GSTA1: variants seen among roughly 807,000 people sequenced by gnomAD.
GSTA1 encodes the protein glutathione S-transferase A1.
Under a neutral mutation model 21.5 loss-of-function variants are expected in GSTA1, and 23 were observed. The ratio of observed to expected loss-of-function variants is 1.07; its 90% CI spans 0.77 to 1.52. GSTA1 has a LOEUF of 1.52. Among genes scored for constraint, GSTA1 ranks in the 40% most tolerant of loss-of-function variants. The pLI is 0.00. For missense variants in GSTA1, 301 were observed against 264.2 expected (o/e 1.14, Z -0.96); for synonymous variants, 125 against 90.0 (o/e 1.39, Z -2.20).
At position 52,799,307 on chromosome 6, in the gene GSTA1, T is replaced by A. The variant is rs758698803; in HGVS notation, c.-30-10A>T. On this transcript the variant is annotated splice_polypyrimidine_tract_variant and intron_variant, in intron 1 of 6. Coordinates refer to ENST00000334575, the MANE Select transcript of GSTA1 (RefSeq NM_145740.5). Reference sequence around the variant, plus strand: ...GGAGGTTTCTCTAAGCCTGAATGAATGAATGAATGAATGAATAATTGAAAC... The same window carrying A: ...GGAGGTTTCTCTAAGCCTGAATGAAAGAATGAATGAATGAATAATTGAAAC... The A allele has an allele frequency of 2.2e-5, 32 of 1,457,184 alleles. No homozygotes were observed. The highest frequency in any genetic ancestry group is 2.8e-5 in the Non-Finnish European group (29 of 1,053,710). The allele number at this position is 1,457,184 out of a possible 1,614,324, so 90.3% of individuals were successfully genotyped here.
At chr6:52,796,429 T>G (rs1180205883) in intron 3 of GSTA1, 115 bp from the exon 4 acceptor site, 2 of 1,348,170 alleles carry the variant, frequency 1.5e-6, no homozygotes, top group Non-Finnish European at 2.0e-6. Context: ...AATTACTGCC[T>G]GGTAAGATTT....
At chr6:52,802,553 T>C (rs1045162463) in intron 1 of GSTA1, among the ~76,000 whole-genome samples, 11 of 152,220 alleles carry the variant, frequency 7.2e-5, no homozygotes, top group African/African-American at 2.7e-4. Flanking sequence ...TCTCTGGACA[T>C]ATTGAGTAGC....
At chr6:52,796,828 C>T (rs565860119) in intron 3 of GSTA1, among the ~76,000 whole-genome samples, 42 of 152,084 alleles carry the variant, frequency 2.8e-4, no homozygotes, top group African/African-American at 9.4e-4. Flanking sequence ...GCATGAGCCA[C>T]TGCACCCAGT....
intron 3 of GSTA1, among the ~76,000 whole-genome samples, chr6:52,797,149 T>TGC (rs1763610740): frequency 6.6e-6 from 1 of 152,154 alleles, no homozygotes; most frequent in South Asian, 2.1e-4. Flanking sequence ...CTTCAAAGTC[T>TGC]GCGATATTGC....
intron 1 of GSTA1, among the ~76,000 whole-genome samples, chr6:52,801,129 C>A (rs1390320073): frequency 6.6e-6 from 1 of 152,186 alleles, no homozygotes. Context: ...GATCCACTCG[C>A]CTCAGCCTCC....
At chr6:52,792,602 A>G (rs1346481436) in intron 6 of GSTA1, 21 of 735,768 alleles carry the variant, frequency 2.9e-5, no homozygotes, top group Non-Finnish European at 3.8e-5. Flanking sequence ...ATGGGGAGAG[A>G]TGCTGGGCCC....
Position 52,796,166 on chromosome 6 carries a change from A to T in GSTA1, c.272+16T>A, listed in dbSNP as rs1763575024. 16 of 1,612,622 alleles carry T rather than the reference A, an allele frequency of 9.9e-6. No homozygotes were observed. Among genetic ancestry groups the T allele is most frequent in the Non-Finnish European group, 1.3e-5 (15 of 1,179,668 alleles). ...CTGTGTTCTCTGTGGATGGAAGAAC[A>T]GAAAATATACCGTACAGGGCTCTCT... On this transcript the variant is annotated intron_variant, in intron 4 of 6. Coordinates refer to ENST00000334575, the MANE Select transcript of GSTA1 (RefSeq NM_145740.5).
At chr6:52,798,327 T>C (rs552577296) in intron 2 of GSTA1, among the ~76,000 whole-genome samples, 149 of 138,110 alleles carry the variant, frequency 1.1e-3, no homozygotes, top group Admixed American at 1.6e-3. Context: ...CTCCCCTCAT[T>C]TTAACCACGT....
rs1249741554 is a variant in GSTA1, at chr6:52,796,222, T to C, written c.232A>G (p.Lys78Glu). ...ATGTCTTTCCCATAGAGGTTGTATT[T>C]GCTGGCAATGTAGTTGAGAATGGCT... The part of the protein sequence containing the change: ...TRAILNYIAS[K>E]YNLYGKDIKE... Residue 78 changes from lysine to glutamate, a missense_variant, in exon 4 of 7, where the codon AAA becomes GAA. By Grantham distance (56) the Lys-to-Glu change is moderately conservative. Coordinates refer to ENST00000334575, the MANE Select transcript of GSTA1 (RefSeq NM_145740.5). The C allele has an allele frequency of 5.0e-6, 8 of 1,613,772 alleles. No homozygotes were observed. Among genetic ancestry groups the C allele is most frequent in the Non-Finnish European group, 6.8e-6 (8 of 1,179,960 alleles).
rs748009323 is a variant in GSTA1 at position 52,797,698 on chromosome 6, G to C, written c.88-61C>G. 480 of 1,380,474 alleles carry C rather than the reference G, an allele frequency of 3.5e-4. 2 individuals carry two copies. Among genetic ancestry groups the C allele is most frequent in the Non-Finnish European group, 4.6e-4 (443 of 970,780 alleles). The allele number at this position is 1,380,474 out of a possible 1,614,324, so 85.5% of individuals were successfully genotyped here. On this transcript the variant is annotated intron_variant, in intron 2 of 6. Transcript: ENST00000334575. ...TCATTCTATTATAGACTGTGGCCTT[G>C]AATGGCCCCATCTGGTGCATCATTT... is the stretch of plus-strand genomic sequence containing the variant.
Position 52,791,711 on chromosome 6 carries a change from T to A in GSTA1, c.*147A>T, listed in dbSNP as rs1458687832. ...AATCAATTTTAACTAAGTCAGCGAA[T>A]AGGAGTTGTATTATTTAATTAGCAT... On this transcript the variant is annotated 3_prime_UTR_variant, in exon 7 of 7. Transcript: ENST00000334575. The A allele has an allele frequency of 2.3e-6, 2 of 878,948 alleles. No homozygotes were observed. The highest frequency in any genetic ancestry group is 1.7e-5 in the African/African-American group (1 of 58,994). The allele number at this position is 878,948 out of a possible 1,614,324, so 54.4% of individuals were successfully genotyped here. A position where few individuals can be genotyped will look rare whatever the true frequency, so the allele number is the denominator to read the frequency against.
intron 3 of GSTA1, among the ~76,000 whole-genome samples, chr6:52,796,541 A>ATTTTTTT (rs1198221761): frequency 2.9e-5 from 1 of 34,286 alleles, no homozygotes; most frequent in Admixed American, 3.9e-4. Context: ...ATATATATAT[A>ATTTTTTT]TATTTTTTTT....
chr6:52,797,716 C>A, intron 2 of GSTA1, 79 bp from the exon 3 acceptor site: 1 of 1,213,164 alleles, frequency 8.2e-7, no homozygotes, highest in Non-Finnish European at 1.2e-6. Flanking sequence ...CCATCTGGTG[C>A]ATCATTTGGA....
At chr6:52,795,594 G>A (rs772730282) in intron 4 of GSTA1, among the ~76,000 whole-genome samples, 23 of 152,126 alleles carry the variant, frequency 1.5e-4, no homozygotes, top group Non-Finnish European at 2.6e-4. Context: ...CAACAGCAAG[G>A]AGACCCCTTG....
intron 5 of GSTA1, 56 bp from the exon 6 acceptor site, chr6:52,793,043 T>G (rs1763498142): frequency 1.2e-6 from 2 of 1,612,158 alleles, no homozygotes; most frequent in East Asian, 2.2e-5. Context: ...CTAGGACCCC[T>G]GCTTCTTTCG....
intron 4 of GSTA1, among the ~76,000 whole-genome samples, chr6:52,795,280 A>G (rs1763550309): frequency 6.6e-6 from 1 of 152,174 alleles, no homozygotes; most frequent in South Asian, 2.1e-4. Context: ...ACTGTCTTAT[A>G]GCATGCATTA....
intron 5 of GSTA1, 87 bp downstream of exon 5, chr6:52,794,038 A>C: frequency 2.0e-6 from 3 of 1,537,922 alleles, no homozygotes; most frequent in South Asian, 2.3e-5. Flanking sequence ...ACTGAAAGTG[A>C]AGATCAGTGA....
intron 1 of GSTA1, among the ~76,000 whole-genome samples, chr6:52,802,001 A>G (rs112649061): frequency 2.0e-5 from 3 of 152,040 alleles, no homozygotes; most frequent in Non-Finnish European, 2.9e-5. Context: ...CCTATTAAAT[A>G]TATATTAGCC....
At chr6:52,795,544 GT>G (rs1763556787) in intron 4 of GSTA1, among the ~76,000 whole-genome samples, 1 of 152,150 alleles carries the variant, frequency 6.6e-6, no homozygotes, top group Non-Finnish European at 1.5e-5. Context: ...GCTGCCAGCA[GT>G]TTCATTCAGG....
Sources: gnomAD v4.1 joint callset for allele counts (sites outside exome capture counted in the v4.1 genomes callset) on GRCh38, gnomAD v4.1.1 for gene constraint, MANE v1.5 for transcripts, NCBI Gene and HGNC (gene_info 2026-07-23, HGNC 2026-07-21) for gene names.